PTPRG: variants seen among roughly 807,000 people sequenced by gnomAD.
PTPRG encodes protein tyrosine phosphatase receptor type G, also known as receptor-type tyrosine-protein phosphatase gamma.
A neutral mutation model predicts 165.3 loss-of-function variants in PTPRG; 102 were observed. The observed-to-expected ratio is 0.62, with a 90% CI of 0.53 to 0.73. PTPRG has a LOEUF of 0.73. Ranked by LOEUF, PTPRG falls within the 30% of genes least tolerant of loss-of-function variation. The pLI, the probability that PTPRG is intolerant of heterozygous loss-of-function variation, is 0.00. For synonymous variants in PTPRG, 675 were observed against 669.5 expected (o/e 1.01, Z -0.13); for missense variants, 1,866 against 1,861.4 (o/e 1.00, Z -0.05).
intron 1 of PTPRG, among the ~76,000 whole-genome samples, chr3:61,578,147 G>A (rs1700207394): frequency 6.6e-6 from 1 of 152,212 alleles, no homozygotes; most frequent in South Asian, 2.1e-4. Context: ...TCCTGTTGGT[G>A]CTACATCGTG....
chr3:62,134,842 A>T (rs1260837918), intron 6 of PTPRG, among the ~76,000 whole-genome samples: 2 of 152,254 alleles, frequency 1.3e-5, no homozygotes, highest in African/African-American at 4.8e-5. Context: ...GAAAATTTTC[A>T]AAATATGAAA....
At chr3:62,290,170 A>T (rs575920927) in intron 28 of PTPRG, among the ~76,000 whole-genome samples, 35 of 152,180 alleles carry the variant, frequency 2.3e-4, no homozygotes, top group Admixed American at 1.8e-3. Context: ...GAATTGGCAA[A>T]GACTATAAAG....
chr3:62,289,228 C>T (rs959945752), intron 28 of PTPRG, among the ~76,000 whole-genome samples: 3 of 152,144 alleles, frequency 2.0e-5, no homozygotes, highest in Non-Finnish European at 4.4e-5. Flanking sequence ...GGTACCCATA[C>T]CATAGGGTTA....
intron 4 of PTPRG, among the ~76,000 whole-genome samples, chr3:62,047,550 C>G (rs1700336874): frequency 6.6e-6 from 1 of 152,184 alleles, no homozygotes; most frequent in South Asian, 2.1e-4. Flanking sequence ...GCGTGAGCCA[C>G]CATGCCCAGC....
At chr3:61,930,362 A>G (rs567271014) in intron 2 of PTPRG, among the ~76,000 whole-genome samples, 1 of 152,306 alleles carries the variant, frequency 6.6e-6, no homozygotes, top group South Asian at 2.1e-4. Flanking sequence ...TATTCCAACA[A>G]TTCCACGTGG....
chr3:61,599,985 C>G (rs533100770), intron 1 of PTPRG, among the ~76,000 whole-genome samples: 2 of 151,448 alleles, frequency 1.3e-5, no homozygotes, highest in Non-Finnish European at 2.9e-5. Flanking sequence ...TTGGCAAAAC[C>G]CCATCTCTAC....
At chr3:61,607,483 A>G (rs546016487) in intron 1 of PTPRG, among the ~76,000 whole-genome samples, 1 of 152,342 alleles carries the variant, frequency 6.6e-6, no homozygotes, top group South Asian at 2.1e-4. Flanking sequence ...GCTCAGCCAC[A>G]TCGCTACCGC....
chr3:62,099,929 G>A (rs1442393151), intron 5 of PTPRG, among the ~76,000 whole-genome samples: 4 of 151,242 alleles, frequency 2.6e-5, no homozygotes, highest in African/African-American at 7.3e-5. Flanking sequence ...CTCCGGAGTA[G>A]CTGGGACTAC....
In PTPRG at chr3:62,275,877, T is replaced by G; in HGVS notation, c.3470T>G (p.Val1157Gly). Residue 1157 changes from valine to glycine, a missense_variant, in exon 24 of 30, where the codon GTC becomes GGC. Val to Gly is a moderately radical substitution (Grantham distance 109). Around this residue, in one of 3 missense-constraint regions of PTPRG, gnomAD observed 1,452 missense variants for 1,463.0 expected, o/e 0.99. Coordinates refer to ENST00000474889, the MANE Select transcript of PTPRG (RefSeq NM_002841.4). ...AAAATGTTTTTTCTTTTTCAGCTGG[T>G]CACACAGTGTAATGCAAAATATGTG... ...KTRLEKQFKL[V>G]TQCNAKYVEC... 1 of 1,604,624 alleles carries G rather than the reference T, an allele frequency of 6.2e-7. No homozygotes were observed. Among genetic ancestry groups the G allele is most frequent in the Non-Finnish European group, 8.5e-7 (1 of 1,174,572 alleles).
At chr3:61,877,496 G>A (rs1286290054) in intron 2 of PTPRG, among the ~76,000 whole-genome samples, 1 of 152,110 alleles carries the variant, frequency 6.6e-6, no homozygotes, top group Non-Finnish European at 1.5e-5. Flanking sequence ...AGACCAGAAA[G>A]CGGGGGAAAC....
At chr3:61,688,115 T>A (rs1304252948) in intron 1 of PTPRG, among the ~76,000 whole-genome samples, 3 of 152,204 alleles carry the variant, frequency 2.0e-5, no homozygotes, top group Non-Finnish European at 4.4e-5. Context: ...TTGAGGTGGT[T>A]GTCAGGGAAG....
At position 62,237,100 on chromosome 3, in the gene PTPRG, A is replaced by T. The variant is rs1360879628; in HGVS notation, c.2375+5789A>T. On this transcript the variant is annotated intron_variant, in intron 14 of 29. Transcript: ENST00000474889. This position sits in a 1 kb window ranked among gnomAD's most constrained non-coding sequence, Gnocchi z 4.5. ...TCTGAAAAATATTGGTCACTAAATT[A>T]TTTCCAGGTTCTTGTCAGAAGGGCA... is the stretch of plus-strand genomic sequence containing the variant. 2.0e-5 allele frequency among the ~76,000 whole-genome samples: 3 copies of T among 152,140 alleles called. No homozygotes were observed. Among genetic ancestry groups the T allele is most frequent in the Non-Finnish European group, 4.4e-5 (3 of 68,030 alleles).
chr3:61,816,392 C>T (rs2035763432), intron 2 of PTPRG, among the ~76,000 whole-genome samples: 1 of 152,032 alleles, frequency 6.6e-6, no homozygotes, highest in African/African-American at 2.4e-5. Flanking sequence ...AATTGCTGGG[C>T]ATGGTGGTGG....
intron 4 of PTPRG, among the ~76,000 whole-genome samples, chr3:62,017,861 A>T (rs1245071808): frequency 6.6e-6 from 1 of 152,198 alleles, no homozygotes; most frequent in Admixed American, 6.5e-5. Context: ...TATGTACATG[A>T]GCAATTACTG....
chr3:62,191,711 G>C lies in PTPRG; in HGVS notation c.1218+58G>C, dbSNP rs186941091. On this transcript the variant is annotated intron_variant, in intron 9 of 29. Coordinates refer to ENST00000474889, the MANE Select transcript of PTPRG (RefSeq NM_002841.4). The stretch of plus-strand genomic sequence containing the variant: ...GCTGCAGAGAGGGACTCCTGCTGCA[G>C]CTCTCTGCCAGGCACTGCACAGTGT... 9.2e-6 allele frequency: 14 copies of C among 1,520,734 alleles called. No homozygotes were observed. The African/African-American group carries it at 1.4e-4, about 15-fold the overall frequency. 94.2% of individuals were successfully genotyped at this position (1,520,734 alleles called of 1,614,324 possible). A position where few individuals can be genotyped will look rare whatever the true frequency, so the allele number is the denominator to read the frequency against.
At chr3:62,107,690 A>G (rs1702520529) in intron 5 of PTPRG, among the ~76,000 whole-genome samples, 1 of 152,230 alleles carries the variant, frequency 6.6e-6, no homozygotes, top group Non-Finnish European at 1.5e-5. Context: ...TCTCTTCTCA[A>G]ACTGGAAAAC....
intron 5 of PTPRG, among the ~76,000 whole-genome samples, chr3:62,099,645 A>G (rs1482683072): frequency 6.6e-6 from 1 of 152,148 alleles, no homozygotes; most frequent in Non-Finnish European, 1.5e-5. Context: ...TAATACTGTT[A>G]TTGATAAAAT....
At chr3:61,914,494 G>C (rs1224159444) in intron 2 of PTPRG, among the ~76,000 whole-genome samples, 1 of 152,206 alleles carries the variant, frequency 6.6e-6, no homozygotes, top group Non-Finnish European at 1.5e-5. Flanking sequence ...GAATACAGCA[G>C]TGTAGGAGGC....
intron 4 of PTPRG, among the ~76,000 whole-genome samples, chr3:62,071,378 A>T (rs1425732587): frequency 6.6e-6 from 1 of 152,178 alleles, no homozygotes; most frequent in Non-Finnish European, 1.5e-5. Context: ...GATCACAGCA[A>T]CCAGGGAGCT....
Sources: allele counts gnomAD v4.1 joint callset (sites outside exome capture counted in the v4.1 genomes callset), GRCh38; gene constraint gnomAD v4.1.1; regional missense constraint gnomAD v4.1.1; non-coding constraint Gnocchi (gnomAD v3.1); transcripts MANE v1.5; gene names NCBI Gene and HGNC (gene_info 2026-07-23, HGNC 2026-07-21).